CCDC73: variants seen among roughly 807,000 people sequenced by gnomAD.
CCDC73 encodes coiled-coil domain-containing protein 73.
A neutral mutation model predicts 116.5 loss-of-function variants in CCDC73; 95 were observed. The observed-to-expected ratio is 0.82, with a 90% CI of 0.69 to 0.97. The LOEUF is 0.97. Among genes scored for constraint, CCDC73 ranks in the 50% least tolerant of loss-of-function variants. The probability of loss-of-function intolerance (pLI) is 0.00; values close to 1 mark genes in which losing one functional copy is unlikely to be tolerated. For missense variants in CCDC73, 1,066 were observed against 1,206.8 expected, an observed-to-expected ratio of 0.88 and a Z score of 1.73; for synonymous variants, 398 against 401.3, an observed-to-expected ratio of 0.99 and a Z score of 0.10.
At chr11:32,776,873 C>T (rs568632471) in intron 1 of CCDC73, among the ~76,000 whole-genome samples, 4 of 147,662 alleles carry the variant, frequency 2.7e-5, no homozygotes, top group Non-Finnish European at 5.9e-5. Flanking sequence ...TCCTTTGATC[C>T]TCAAATTGCT....
At chr11:32,701,231 T>G (rs1374526504) in intron 4 of CCDC73, among the ~76,000 whole-genome samples, 1 of 152,156 alleles carries the variant, frequency 6.6e-6, no homozygotes, top group African/African-American at 2.4e-5. Context: ...CTCCAGAAAT[T>G]TTTCTTAAAT....
chr11:32,699,340 C>T lies in CCDC73; in HGVS notation c.316-15G>A. On this transcript the variant is annotated splice_polypyrimidine_tract_variant and intron_variant, in intron 5 of 17. Coordinates refer to ENST00000335185, the MANE Select transcript of CCDC73 (RefSeq NM_001008391.4). ...TGATATTTTCCCTTTAAGTAAAAAACTGTATTTCAATACTTTCCAATGTAA... is the reference window on the plus strand; with the variant it reads ...TGATATTTTCCCTTTAAGTAAAAAATTGTATTTCAATACTTTCCAATGTAA... 1 of 1,545,868 alleles carries T rather than the reference C, an allele frequency of 6.5e-7. No homozygotes were observed. The highest frequency in any genetic ancestry group is 8.8e-7 in the Non-Finnish European group (1 of 1,140,760).
chr11:32,628,720 T>C (rs1032307298), intron 14 of CCDC73, among the ~76,000 whole-genome samples: 2 of 152,156 alleles, frequency 1.3e-5, no homozygotes, highest in African/African-American at 4.8e-5. Flanking sequence ...GAAATAAAGA[T>C]AGCAAAATCT....
intron 13 of CCDC73, among the ~76,000 whole-genome samples, chr11:32,641,217 A>G (rs1855730051): frequency 6.6e-6 from 1 of 152,106 alleles, no homozygotes; most frequent in South Asian, 2.1e-4. Context: ...TACCTTCCCA[A>G]AATATAGCTT....
intron 9 of CCDC73, among the ~76,000 whole-genome samples, chr11:32,659,447 G>C (rs1353827901): frequency 6.6e-6 from 1 of 152,118 alleles, no homozygotes; most frequent in Non-Finnish European, 1.5e-5. Flanking sequence ...TTTGAGAAAA[G>C]CAAAACTCTA....
At chr11:32,790,722 A>G (rs1283868429) in intron 1 of CCDC73, among the ~76,000 whole-genome samples, 1 of 152,124 alleles carries the variant, frequency 6.6e-6, no homozygotes, top group Non-Finnish European at 1.5e-5. Context: ...AAAAATAGTT[A>G]AAACATGAAC....
At chr11:32,664,599 T>C (rs1855962908) in intron 9 of CCDC73, among the ~76,000 whole-genome samples, 1 of 152,200 alleles carries the variant, frequency 6.6e-6, no homozygotes, top group Admixed American at 6.5e-5. Flanking sequence ...CTGGGGTCTA[T>C]CAATTTTGTT....
chr11:32,686,282 A>G (rs1856200491), intron 6 of CCDC73, among the ~76,000 whole-genome samples: 1 of 150,982 alleles, frequency 6.6e-6, no homozygotes. Flanking sequence ...AAAAGATTAA[A>G]TAAGCCAGTT....
intron 3 of CCDC73, among the ~76,000 whole-genome samples, chr11:32,712,983 A>G (rs1341918530): frequency 6.6e-6 from 1 of 152,100 alleles, no homozygotes; most frequent in Non-Finnish European, 1.5e-5. Flanking sequence ...TCTATTTCTA[A>G]TAAGTGTTAC....
At chr11:32,724,507 G>C (rs1712062179) in intron 2 of CCDC73, among the ~76,000 whole-genome samples, 1 of 152,152 alleles carries the variant, frequency 6.6e-6, no homozygotes, top group Admixed American at 6.5e-5. Context: ...TTGTGGTAGA[G>C]ATCTTTAATC....
At chr11:32,611,502 T>C (rs1855422316) in intron 16 of CCDC73, among the ~76,000 whole-genome samples, 1 of 152,212 alleles carries the variant, frequency 6.6e-6, no homozygotes. Context: ...AATTCCACAT[T>C]AAAAGCAGTG....
At chr11:32,691,077 T>C (rs1856253720) in intron 6 of CCDC73, among the ~76,000 whole-genome samples, 1 of 151,220 alleles carries the variant, frequency 6.6e-6, no homozygotes, top group East Asian at 1.9e-4. Flanking sequence ...CCAGTCTCAC[T>C]CTTGTCCCCC....
chr11:32,718,606 T>C (rs1052016337), intron 2 of CCDC73, among the ~76,000 whole-genome samples: 6 of 152,188 alleles, frequency 3.9e-5, no homozygotes, highest in African/African-American at 1.4e-4. Context: ...ACTGGCTATG[T>C]AGGGGAAGAG....
At chr11:32,745,757 T>TG (rs1428485183) in intron 2 of CCDC73, among the ~76,000 whole-genome samples, 3 of 150,834 alleles carry the variant, frequency 2.0e-5, no homozygotes, top group Non-Finnish European at 3.0e-5. Flanking sequence ...TTTTTTTTTT[T>TG]TTTTGCTTTC....
rs190366416 is a variant in CCDC73, at chr11:32,735,164, G to A, written c.136-17017C>T. On this transcript the variant is annotated intron_variant, in intron 2 of 17. Coordinates refer to ENST00000335185, the MANE Select transcript of CCDC73 (RefSeq NM_001008391.4). ...TATTCAACATAGTGTTGGAAGTTCT[G>A]GCCAGGGCAATCAGACAGGAGAAAG... is the stretch of plus-strand genomic sequence containing the variant. Among the ~76,000 whole-genome samples the A allele has an allele frequency of 7.1e-3, 1,084 of 152,268 alleles. 17 individuals are homozygous for A. The highest frequency in any genetic ancestry group is 0.025 in the African/African-American group (1,045 of 41,544).
At chr11:32,681,346 A>G (rs1005970170) in intron 7 of CCDC73, 1 of 152,030 alleles carries the variant, frequency 6.6e-6, no homozygotes, top group Admixed American at 6.6e-5. Flanking sequence ...CCAGATCACA[A>G]TGATGGTGAA....
chr11:32,623,965 G>A (rs1855545720), intron 14 of CCDC73, among the ~76,000 whole-genome samples: 1 of 152,072 alleles, frequency 6.6e-6, no homozygotes, highest in South Asian at 2.1e-4. Flanking sequence ...AGAGAAGACA[G>A]GTACTCATAC....
intron 2 of CCDC73, among the ~76,000 whole-genome samples, chr11:32,733,590 A>G (rs1850099159): frequency 6.6e-6 from 1 of 152,262 alleles, no homozygotes; most frequent in Non-Finnish European, 1.5e-5. Context: ...CAGTGCAATC[A>G]AACTAGAACT....
At chr11:32,737,149 T>C (rs1186743409) in intron 2 of CCDC73, among the ~76,000 whole-genome samples, 3 of 151,788 alleles carry the variant, frequency 2.0e-5, no homozygotes, top group Non-Finnish European at 4.4e-5. Context: ...CAATTCTGCA[T>C]ATTAAACCTC....
Sources: gnomAD v4.1 joint callset for allele counts (sites outside exome capture counted in the v4.1 genomes callset) on GRCh38, gnomAD v4.1.1 for gene constraint, MANE v1.5 for transcripts, NCBI Gene and HGNC (gene_info 2026-07-23, HGNC 2026-07-21) for gene names.